MRPS6: variants seen among roughly 807,000 people sequenced by gnomAD.
MRPS6 encodes the protein mitochondrial ribosomal protein S6.
Under a neutral mutation model 13.1 loss-of-function variants are expected in MRPS6, and 6 were observed. The observed-to-expected ratio is 0.46, with a 90% CI of 0.25 to 0.91. The LOEUF (loss-of-function observed/expected upper bound fraction) is 0.91. Among genes scored for constraint, MRPS6 ranks in the 40% least tolerant of loss-of-function variants. The probability of loss-of-function intolerance (pLI) is 0.18; values close to 1 mark genes in which losing one functional copy is unlikely to be tolerated. For missense variants in MRPS6, 164 were observed against 155.6 expected (o/e 1.05, Z -0.29); for synonymous variants, 61 against 56.5 (o/e 1.08, Z -0.36).
At chr21:34,116,110 G>A (rs1176013293) in intron 1 of MRPS6, among the ~76,000 whole-genome samples, 4 of 151,590 alleles carry the variant, frequency 2.6e-5, no homozygotes, top group Non-Finnish European at 5.9e-5. Context: ...CTAGCCTCAA[G>A]CAATCCTCCT....
chr21:34,110,689 C>T (rs187332568), intron 1 of MRPS6, among the ~76,000 whole-genome samples: 34 of 152,256 alleles, frequency 2.2e-4, no homozygotes, highest in East Asian at 1.9e-3. Context: ...TTGCCCCTTG[C>T]GTTAGATTCC....
At chr21:34,101,527 T>A in intron 1 of MRPS6, 1 of 1,000,236 alleles carries the variant, frequency 1.0e-6, no homozygotes, top group Non-Finnish European at 1.2e-6. Context: ...TATATGTGTA[T>A]ATGCCCACTT....
At chr21:34,080,495 A>G (rs567701583) in intron 1 of MRPS6, among the ~76,000 whole-genome samples, 14 of 152,098 alleles carry the variant, frequency 9.2e-5, no homozygotes, top group African/African-American at 3.4e-4. Context: ...CCTTTCCACA[A>G]TACCCCACCA....
At chr21:34,075,674 G>A (rs1989312696) in intron 1 of MRPS6, among the ~76,000 whole-genome samples, 1 of 152,152 alleles carries the variant, frequency 6.6e-6, no homozygotes, top group Non-Finnish European at 1.5e-5. Flanking sequence ...GTTATGTTGA[G>A]GAGATCCTTG....
rs576294328 is a variant in MRPS6 at position 34,113,278 on chromosome 21, G to T, written c.46-12063G>T. Among the ~76,000 whole-genome samples, 20 of 152,268 alleles carry T rather than the reference G, an allele frequency of 1.3e-4. 1 individual carries two copies. The highest frequency in any genetic ancestry group is 4.6e-4 in the African/African-American group (19 of 41,566). On this transcript the variant is annotated intron_variant, in intron 1 of 2. Coordinates refer to ENST00000399312, the MANE Select transcript of MRPS6 (RefSeq NM_032476.4). ...GCATCGAAGAGGTGTCTGTATTCCT[G>T]TGTTCGTTGCAACACTATTCACAAT... is the stretch of plus-strand genomic sequence containing the variant.
chr21:34,093,573 A>T (rs963757378), intron 1 of MRPS6, among the ~76,000 whole-genome samples: 1 of 151,812 alleles, frequency 6.6e-6, no homozygotes, highest in African/African-American at 2.4e-5. Flanking sequence ...TAAAAGGAAA[A>T]TGCCTAGAAT....
intron 1 of MRPS6, among the ~76,000 whole-genome samples, chr21:34,107,018 G>C (rs1979508164): frequency 6.6e-6 from 1 of 152,064 alleles, no homozygotes; most frequent in South Asian, 2.1e-4. Flanking sequence ...TGCAGCCTCT[G>C]TCTCCTGAGT....
intron 2 of MRPS6, chr21:34,135,922 TC>T: frequency 2.2e-6 from 1 of 461,660 alleles, no homozygotes; most frequent in South Asian, 2.5e-5. Flanking sequence ...GGCATACTTC[TC>T]CTTCACTGCA....
chr21:34,081,926 T>G (rs1210766657), intron 1 of MRPS6, among the ~76,000 whole-genome samples: 1 of 152,186 alleles, frequency 6.6e-6, no homozygotes, highest in Non-Finnish European at 1.5e-5. Context: ...ATGTTTGAAT[T>G]AGTGGTGTTG....
chr21:34,105,060 C>T (rs1421519233), intron 1 of MRPS6: 1 of 999,926 alleles, frequency 1.0e-6, no homozygotes, highest in Non-Finnish European at 1.2e-6. Context: ...ATAGACTTTT[C>T]TGTGGGGTTA....
intron 2 of MRPS6, among the ~76,000 whole-genome samples, chr21:34,128,503 A>G (rs1053531565): frequency 6.6e-6 from 1 of 152,150 alleles, no homozygotes. Flanking sequence ...TGGAAATGAT[A>G]CCTGATGTTT....
At chr21:34,132,329 G>A (rs1220670764) in intron 2 of MRPS6, among the ~76,000 whole-genome samples, 2 of 152,240 alleles carry the variant, frequency 1.3e-5, no homozygotes, top group African/African-American at 2.4e-5. Flanking sequence ...GGGAGCCATG[G>A]GAGTGGAAGC....
At chr21:34,131,984 C>A (rs1980518236) in intron 2 of MRPS6, among the ~76,000 whole-genome samples, 2 of 152,314 alleles carry the variant, frequency 1.3e-5, no homozygotes, top group South Asian at 4.1e-4. Context: ...TAAGTTTGCC[C>A]AGATGAATAG....
At chr21:34,121,255 GT>G (rs372939172) in intron 1 of MRPS6, among the ~76,000 whole-genome samples, 1,745 of 152,240 alleles carry the variant, frequency 0.011, 38 homozygotes, top group South Asian at 0.081. Context: ...ATCAAACTTT[GT>G]TGTGCCTCCA....
At chr21:34,099,190 G>A in intron 1 of MRPS6, 1 of 999,826 alleles carries the variant, frequency 1.0e-6, no homozygotes, top group Non-Finnish European at 1.2e-6. Flanking sequence ...GTGCCTTGTA[G>A]AATTTTTTTC....
At chr21:34,102,247 C>G (rs1979272506) in intron 1 of MRPS6, 19 of 999,608 alleles carry the variant, frequency 1.9e-5, no homozygotes, top group Non-Finnish European at 2.3e-5. Context: ...AGTGGTGAGT[C>G]CCACACCATT....
chr21:34,134,882 G>T (rs1980632724), intron 2 of MRPS6, among the ~76,000 whole-genome samples: 1 of 152,202 alleles, frequency 6.6e-6, no homozygotes, highest in Non-Finnish European at 1.5e-5. Context: ...CACAACTGTA[G>T]GCTAAGCGTT....
intron 1 of MRPS6, chr21:34,106,127 A>C: frequency 1.0e-6 from 1 of 997,194 alleles, no homozygotes; most frequent in Non-Finnish European, 1.2e-6. Context: ...AAGTATTTGG[A>C]AACTTAAGAT....
intron 1 of MRPS6, among the ~76,000 whole-genome samples, chr21:34,078,925 C>T (rs983687065): frequency 3.9e-5 from 6 of 152,180 alleles, no homozygotes; most frequent in African/African-American, 7.2e-5. Flanking sequence ...ATTTTTAAGA[C>T]GTGTTATCAA....
Sources: allele counts gnomAD v4.1 joint callset (sites outside exome capture counted in the v4.1 genomes callset), GRCh38; gene constraint gnomAD v4.1.1; transcripts MANE v1.5; gene names NCBI Gene and HGNC (gene_info 2026-07-23, HGNC 2026-07-21).